The following NCK1 variants were observed in gnomAD, a reference collection of about 807,000 sequenced individuals.
NCK1 encodes the protein SH2/SH3 adapter protein NCK1.
Under a neutral mutation model 36.6 loss-of-function variants are expected in NCK1, and 19 were observed. That is an observed-to-expected ratio of 0.52 (90% CI 0.36 to 0.76). The LOEUF (loss-of-function observed/expected upper bound fraction) is 0.76. Among genes scored for constraint, NCK1 ranks in the 30% least tolerant of loss-of-function variants. The pLI is 0.00. For synonymous variants in NCK1, 165 were observed against 156.0 expected (o/e 1.06, Z -0.43); for missense variants, 358 against 445.6 (o/e 0.80, Z 1.77).
intron 1 of NCK1, among the ~76,000 whole-genome samples, chr3:136,901,824 T>G (rs1271045358): frequency 6.6e-6 from 1 of 152,168 alleles, no homozygotes; most frequent in Non-Finnish European, 1.5e-5. Flanking sequence ...AAAATCAGCT[T>G]TTTGTTGTTC....
At chr3:136,887,004 C>T (rs768730269) in intron 1 of NCK1, among the ~76,000 whole-genome samples, 11 of 151,982 alleles carry the variant, frequency 7.2e-5, no homozygotes, top group South Asian at 2.1e-4. Flanking sequence ...CCACCATGCC[C>T]GGCTAATTTT....
chr3:136,925,603 A>G (rs1331217934), intron 1 of NCK1, among the ~76,000 whole-genome samples: 1 of 152,160 alleles, frequency 6.6e-6, no homozygotes, highest in African/African-American at 2.4e-5. Flanking sequence ...TGTTATATAA[A>G]TGGAGTCATA....
At chr3:136,884,711 G>A (rs1222288811) in intron 1 of NCK1, among the ~76,000 whole-genome samples, 2 of 130,380 alleles carry the variant, frequency 1.5e-5, no homozygotes, top group Non-Finnish European at 3.2e-5. Flanking sequence ...GAGCCACCAT[G>A]CCTGAGCTTT....
At position 136,945,630 on chromosome 3, in the gene NCK1, C is replaced by A; in HGVS notation, c.274C>A (p.Pro92Thr). 1 of 1,613,846 alleles carries A rather than the reference C, an allele frequency of 6.2e-7. No homozygotes were observed. The highest frequency in any genetic ancestry group is 1.1e-5 in the South Asian group (1 of 91,036). Residue 92 changes from proline (P) to threonine (T), a missense_variant, in exon 3 of 4, where the codon CCT (proline) becomes ACT (threonine). Pro to Thr is a conservative substitution (Grantham distance 38). Around this residue, in one of 3 missense-constraint regions of NCK1, gnomAD observed 143 missense variants for 162.4 expected, o/e 0.88. Coordinates refer to ENST00000481752, the MANE Select transcript of NCK1 (RefSeq NM_001291999.2). ...ACCTAGTGTGCCAGATTCTGCATCT[C>A]CTGCTGATGATAGTTTTGTTGACCC... Reference protein sequence around the residue: ...RKPSVPDSASPADDSFVDPGE... With the variant: ...RKPSVPDSASTADDSFVDPGE...
At chr3:136,883,798 T>C (rs1198813809) in intron 1 of NCK1, among the ~76,000 whole-genome samples, 2 of 152,118 alleles carry the variant, frequency 1.3e-5, no homozygotes, top group Non-Finnish European at 2.9e-5. Context: ...GTGATGTCAG[T>C]GTAAATGGAA....
chr3:136,939,134 G>A (rs1451151065), intron 2 of NCK1, among the ~76,000 whole-genome samples: 1 of 152,082 alleles, frequency 6.6e-6, no homozygotes, highest in Non-Finnish European at 1.5e-5. Context: ...GAGATGTTTT[G>A]TTACTGATTG....
At chr3:136,899,514 G>T in intron 1 of NCK1, 1 of 437,298 alleles carries the variant, frequency 2.3e-6, no homozygotes, top group Non-Finnish European at 4.4e-6. Context: ...ATCATCCTCA[G>T]AATCTTCACC....
At chr3:136,906,879 C>T (rs539874760) in intron 1 of NCK1, among the ~76,000 whole-genome samples, 1 of 152,224 alleles carries the variant, frequency 6.6e-6, no homozygotes, top group Non-Finnish European at 1.5e-5. Context: ...AGGTGATCGC[C>T]AGGCCCACGG....
chr3:136,906,820 C>T (rs1174277239), intron 1 of NCK1, among the ~76,000 whole-genome samples: 2 of 152,128 alleles, frequency 1.3e-5, no homozygotes, highest in African/African-American at 4.8e-5. Flanking sequence ...TAGGTCCAAT[C>T]TCAGACCCTG....
At chr3:136,868,388 G>A (rs1314582883) in intron 1 of NCK1, among the ~76,000 whole-genome samples, 3 of 151,656 alleles carry the variant, frequency 2.0e-5, no homozygotes, top group Admixed American at 6.6e-5. Flanking sequence ...AGTGCAGTGG[G>A]GCAATCTCGG....
chr3:136,926,600 A>G (rs1243928912), intron 1 of NCK1, among the ~76,000 whole-genome samples: 2 of 152,016 alleles, frequency 1.3e-5, no homozygotes, highest in Non-Finnish European at 2.9e-5. Context: ...TAATGTTACT[A>G]TTTAAAACTA....
At chr3:136,884,644 T>C (rs1191199320) in intron 1 of NCK1, among the ~76,000 whole-genome samples, 1 of 152,154 alleles carries the variant, frequency 6.6e-6, no homozygotes, top group East Asian at 1.9e-4. Context: ...TTTCATCATG[T>C]TGGCCAGGCT....
At chr3:136,893,939 C>T (rs1393262592) in intron 1 of NCK1, among the ~76,000 whole-genome samples, 1 of 152,138 alleles carries the variant, frequency 6.6e-6, no homozygotes, top group Non-Finnish European at 1.5e-5. Context: ...GGCTTTCATC[C>T]TTGTGGGACT....
intron 2 of NCK1, among the ~76,000 whole-genome samples, chr3:136,930,963 C>G: frequency 7.2e-6 from 1 of 139,522 alleles, no homozygotes; most frequent in East Asian, 2.2e-4. Context: ...TTTCTTCATC[C>G]TCAACTTTGG....
At chr3:136,939,430 C>G (rs1940613968) in intron 2 of NCK1, among the ~76,000 whole-genome samples, 1 of 151,714 alleles carries the variant, frequency 6.6e-6, no homozygotes, top group African/African-American at 2.4e-5. Context: ...TTGTTGATTT[C>G]CTCTGTTTTT....
intron 1 of NCK1, among the ~76,000 whole-genome samples, chr3:136,916,998 A>G (rs536268834): frequency 9.8e-5 from 15 of 152,332 alleles, no homozygotes; most frequent in Middle Eastern, 6.8e-3. Context: ...GCTGAAAACT[A>G]GGGTAAGATA....
chr3:136,935,134 C>T (rs772937707), intron 2 of NCK1, among the ~76,000 whole-genome samples: 9 of 152,178 alleles, frequency 5.9e-5, no homozygotes, highest in Non-Finnish European at 1.0e-4. Flanking sequence ...CTCCTGGCCT[C>T]AGGTGATCTG....
chr3:136,875,499 A>T (rs936742494), intron 1 of NCK1, among the ~76,000 whole-genome samples: 4 of 152,220 alleles, frequency 2.6e-5, no homozygotes, highest in Admixed American at 6.5e-5. Flanking sequence ...CAGGGATTGC[A>T]ATCCTAGTCT....
chr3:136,874,176 A>AT (rs1400879387), intron 1 of NCK1, among the ~76,000 whole-genome samples: 1 of 152,022 alleles, frequency 6.6e-6, no homozygotes, highest in African/African-American at 2.4e-5. Context: ...AGTTTTTTAC[A>AT]TTTTTTATAC....
Sources: gnomAD v4.1 joint callset for allele counts (sites outside exome capture counted in the v4.1 genomes callset) on GRCh38, gnomAD v4.1.1 for gene constraint, gnomAD v4.1.1 regional missense constraint, MANE v1.5 for transcripts, NCBI Gene and HGNC (gene_info 2026-07-23, HGNC 2026-07-21) for gene names.